The following USP5 variants were observed in gnomAD, a reference collection of about 807,000 sequenced individuals.
USP5 encodes ubiquitin carboxyl-terminal hydrolase 5.
Under a neutral mutation model 102.5 loss-of-function variants are expected in USP5, and 24 were observed. That is an observed-to-expected ratio of 0.23 (90% CI 0.17 to 0.33). The LOEUF is 0.33. Among genes scored for constraint, USP5 ranks in the 10% least tolerant of loss-of-function variants. The probability of loss-of-function intolerance (pLI) is 1.00; values close to 1 mark genes in which losing one functional copy is unlikely to be tolerated. For synonymous variants in USP5, 460 were observed against 434.8 expected (o/e 1.06, Z -0.72); for missense variants, 753 against 1,122.1 (o/e 0.67, Z 4.70).
In USP5 at chr12:6,861,487, G is replaced by A. The variant is rs1555129540; in HGVS notation, c.1543G>A (p.Glu515Lys). 5.0e-6 allele frequency: 8 copies of A among 1,595,320 alleles called. No homozygotes were observed. The highest frequency in any genetic ancestry group is 1.3e-5 in the African/African-American group (1 of 74,488). ...YEEKKRQAEE[E>K]KMALPELVRA... ...GGAGAAGAAGCGGCAAGCCGAAGAGGAGAAGATGGCACTGCCAGAACTGGT... is the reference window on the plus strand; with the variant it reads ...GGAGAAGAAGCGGCAAGCCGAAGAGAAGAAGATGGCACTGCCAGAACTGGT... The change falls in exon 13 of 20, where the codon GAG becomes AAG. Residue 515 changes from glutamate to lysine, a missense_variant. Glu to Lys is a moderately conservative substitution (Grantham distance 56, BLOSUM62 1). Around this residue, in one of 3 missense-constraint regions of USP5, gnomAD observed 527 missense variants for 816.5 expected, o/e 0.65. Coordinates refer to ENST00000229268, the MANE Select transcript of USP5 (RefSeq NM_001098536.2). This position sits in a 1 kb window ranked among gnomAD's most constrained non-coding sequence, Gnocchi z 4.9.
chr12:6,863,423 G>T lies in USP5; in HGVS notation c.1954+46G>T. 6.3e-7 allele frequency: 1 copy of T among 1,580,096 alleles called. No individual in the cohort carries two copies. The highest frequency in any genetic ancestry group is 1.2e-5 in the South Asian group (1 of 86,574). On this transcript the variant is annotated intron_variant, in intron 15 of 19. Coordinates refer to ENST00000229268, the MANE Select transcript of USP5 (RefSeq NM_001098536.2). The surrounding 1 kb of genome is among the most constrained non-coding windows in gnomAD (Gnocchi z 4.7). ...CCTGTCTCTCTCCCGTGCTGATGGG[G>T]GCCTCTCTGCCTTGCATCCCCTGCC...
chr12:6,853,846 C>A (rs782428800), intron 1 of USP5, among the ~76,000 whole-genome samples: 1 of 152,186 alleles, frequency 6.6e-6, no homozygotes, highest in African/African-American at 2.4e-5. Flanking sequence ...CATGAACTTG[C>A]AGTACACACT....
rs1241449161 is a variant in USP5, at chr12:6,864,854, A to G, written c.2377A>G (p.Lys793Glu). ...CTCTGAGTCTGTGCCAGTGGGACCTAAAGTCCGGGATGGTCCTGGAAGTGA... is the reference window on the plus strand; with the variant it reads ...CTCTGAGTCTGTGCCAGTGGGACCTGAAGTCCGGGATGGTCCTGGAAGTGA... Reference protein sequence around the residue: ...SISESVPVGPKVRDGPGKYQL... With the variant: ...SISESVPVGPEVRDGPGKYQL... Residue 793 changes from lysine (K) to glutamate (E), a missense_variant, in exon 18 of 20, where the codon AAA becomes GAA. By Grantham distance (56) the Lys-to-Glu change is moderately conservative. Transcript: ENST00000229268. The surrounding 1 kb of genome is among the most constrained non-coding windows in gnomAD (Gnocchi z 4.8). 20 of 1,613,646 alleles carry G rather than the reference A, an allele frequency of 1.2e-5. No individual in the cohort carries two copies. Among genetic ancestry groups the G allele is most frequent in the Admixed American group, 1.7e-5 (1 of 59,988 alleles).
chr12:6,860,066 G>T lies in USP5; in HGVS notation c.1131-85G>T. On this transcript the variant is annotated intron_variant, in intron 9 of 19. Transcript: ENST00000229268. The surrounding 1 kb of genome is among the most constrained non-coding windows in gnomAD (Gnocchi z 5.5). ...TTCACGTTGTTGAGAGTTAGCTAGG[G>T]AGAGCCACGAGCAGGGGGTTGAGCT... The T allele has an allele frequency of 6.8e-7, 1 of 1,462,912 alleles. No individual in the cohort carries two copies. Among genetic ancestry groups the T allele is most frequent in the South Asian group, 1.2e-5 (1 of 83,102 alleles). 90.6% of individuals were successfully genotyped at this position (1,462,912 alleles called of 1,614,324 possible).
In USP5 at chr12:6,864,427, C is replaced by A. The variant is rs782096199; in HGVS notation, c.2244+232C>A. Among the ~76,000 whole-genome samples the A allele has an allele frequency of 6.6e-6, 1 of 152,330 alleles. No individual in the cohort carries two copies. The highest frequency in any genetic ancestry group is 1.9e-4 in the East Asian group (1 of 5,182). On this transcript the variant is annotated intron_variant, in intron 17 of 19. Transcript: ENST00000229268. This position sits in a 1 kb window ranked among gnomAD's most constrained non-coding sequence, Gnocchi z 4.8. ...CTGTTTGGCCGGGCGCGGTGGCTCACGCCTGTAATCCCAGCACTTTGGGAG... is the reference window on the plus strand; with the variant it reads ...CTGTTTGGCCGGGCGCGGTGGCTCAAGCCTGTAATCCCAGCACTTTGGGAG...
At chr12:6,862,370 T>C (rs1333977607) in intron 13 of USP5, 100 bp from the exon 14 acceptor site, 3 of 1,032,612 alleles carry the variant, frequency 2.9e-6, no homozygotes, top group East Asian at 2.4e-5. Flanking sequence ...TTCTGGGTTA[T>C]TGGGACTTCT....
Position 6,863,125 on chromosome 12 carries a change from G to T in USP5, c.1763-61G>T. The T allele has an allele frequency of 2.6e-6, 4 of 1,525,734 alleles. No individual in the cohort carries two copies. The highest frequency in any genetic ancestry group is 3.5e-6 in the Non-Finnish European group (4 of 1,134,194). The allele number at this position is 1,525,734 out of a possible 1,614,324, so 94.5% of individuals were successfully genotyped here. ...CTGACATAGGGGGCAGGGGATTGAG[G>T]TTCCCGAATCACTTTCCAGGTAGGC... On this transcript the variant is annotated intron_variant, in intron 14 of 19. Transcript: ENST00000229268. The surrounding 1 kb of genome is among the most constrained non-coding windows in gnomAD (Gnocchi z 4.7).
rs1555129610 is a variant in USP5 at position 6,861,649 on chromosome 12, GGTCTA to G, written c.1673+33_1673+37del. On this transcript the variant is annotated intron_variant, in intron 13 of 19. Transcript: ENST00000229268. This position sits in a 1 kb window ranked among gnomAD's most constrained non-coding sequence, Gnocchi z 4.9. ...CCTCTGGTCGGGGCCTGAGGCTGTG[GGTCTA>G]TGGCAGAGCTATCCCAGAGGATACT... 2.7e-6 allele frequency: 4 copies of G among 1,484,958 alleles called. No homozygotes were observed. The South Asian group carries it at 5.3e-5, about 20-fold the overall frequency. The allele number at this position is 1,484,958 out of a possible 1,614,324, so 92.0% of individuals were successfully genotyped here.
In USP5 at chr12:6,861,230, G is replaced by A. The variant is rs1944267763; in HGVS notation, c.1498+124G>A. The A allele has an allele frequency of 2.0e-6, 3 of 1,491,886 alleles. No homozygotes were observed. The highest frequency in any genetic ancestry group is 1.8e-6 in the Non-Finnish European group (2 of 1,111,086). The allele number at this position is 1,491,886 out of a possible 1,614,324, so 92.4% of individuals were successfully genotyped here. On this transcript the variant is annotated intron_variant, in intron 12 of 19. Coordinates refer to ENST00000229268, the MANE Select transcript of USP5 (RefSeq NM_001098536.2). This position sits in a 1 kb window ranked among gnomAD's most constrained non-coding sequence, Gnocchi z 4.9. ...GCTTCACCAGCCAAGGTTCCAGTCT[G>A]GGCCACCAGGAGTAGGTAGATTAAC...
rs1399835196 is a variant in USP5, at chr12:6,864,672, G to C, written c.2245-50G>C. The C allele has an allele frequency of 1.3e-6, 2 of 1,571,474 alleles. No individual in the cohort carries two copies. The highest frequency in any genetic ancestry group is 1.7e-6 in the Non-Finnish European group (2 of 1,162,664). On this transcript the variant is annotated intron_variant, in intron 17 of 19. Transcript: ENST00000229268. The surrounding 1 kb of genome is among the most constrained non-coding windows in gnomAD (Gnocchi z 4.8). The stretch of plus-strand genomic sequence containing the variant: ...CCACTGCACTCCAGCCTGGGCGACA[G>C]AGCAAGACTCCGTCTCAAGAAAAAA...
rs184861396 is a variant in USP5, at chr12:6,862,641, A to G, written c.1762+83A>G. 1.6e-3 allele frequency: 2,074 copies of G among 1,316,814 alleles called. 10 individuals carry two copies. Among genetic ancestry groups the G allele is most frequent in the Middle Eastern group, 5.3e-3 (28 of 5,328 alleles). The allele number at this position is 1,316,814 out of a possible 1,614,324, so 81.6% of individuals were successfully genotyped here. A position where few individuals can be genotyped will look rare whatever the true frequency, so the allele number is the denominator to read the frequency against. ...TAACACATATAAACTAGTGTTTCTC[A>G]AAGTTTCCTCTGAAAGAGGAAAAAA... On this transcript the variant is annotated intron_variant, in intron 14 of 19. Transcript: ENST00000229268.
chr12:6,857,784 T>C, intron 7 of USP5, 61 bp downstream of exon 7: 1 of 1,548,072 alleles, frequency 6.5e-7, no homozygotes, highest in Non-Finnish European at 8.9e-7. Context: ...CCCTTCCTCT[T>C]TGCCTGAGGC....
chr12:6,862,538 A>C lies in USP5; in HGVS notation c.1742A>C (p.Asp581Ala). ...IQIKKFTFGL[D>A]WVPKKLDVSI... Reference sequence around the variant, plus strand: ...ATCAAGAAGTTCACCTTCGGCTTAGACTGGGTGCCCAAGAAACTGGGTATG... The same window carrying C: ...ATCAAGAAGTTCACCTTCGGCTTAGCCTGGGTGCCCAAGAAACTGGGTATG... Residue 581 changes from aspartate to alanine, a missense_variant, in exon 14 of 20, where the codon GAC becomes GCC. Transcript: ENST00000229268. 6.2e-7 allele frequency: 1 copy of C among 1,614,166 alleles called. No homozygotes were observed. The highest frequency in any genetic ancestry group is 8.5e-7 in the Non-Finnish European group (1 of 1,180,010).
At position 6,864,701 on chromosome 12, in the gene USP5, A is replaced by G. The variant is rs782630487; in HGVS notation, c.2245-21A>G. On this transcript the variant is annotated intron_variant, in intron 17 of 19. Transcript: ENST00000229268. This position sits in a 1 kb window ranked among gnomAD's most constrained non-coding sequence, Gnocchi z 4.8. ...AAGACTCCGTCTCAAGAAAAAAAGT[A>G]ATGCTTCCTTCCTCTCCAAGAACAA... 1.2e-5 allele frequency: 19 copies of G among 1,596,710 alleles called. No individual in the cohort carries two copies. The highest frequency in any genetic ancestry group is 1.5e-5 in the Non-Finnish European group (18 of 1,174,826).
chr12:6,856,034 G>T lies in USP5; in HGVS notation c.322G>T (p.Asp108Tyr). The T allele has an allele frequency of 6.2e-7, 1 of 1,614,188 alleles. No individual in the cohort carries two copies. Among genetic ancestry groups the T allele is most frequent in the Non-Finnish European group, 8.5e-7 (1 of 1,180,034 alleles). ...RLAIGVEGGF[D>Y]LSEEKFELDE... Reference sequence around the variant, plus strand: ...CCTTCCAGGTGTTGAAGGCGGATTTGACCTTAGCGAGGAGAAGTTTGAATT... The same window carrying T: ...CCTTCCAGGTGTTGAAGGCGGATTTTACCTTAGCGAGGAGAAGTTTGAATT... The change falls in exon 4 of 20, where the codon GAC becomes TAC. Residue 108 changes from aspartate (D) to tyrosine (Y), a missense_variant. Asp to Tyr is a radical substitution (Grantham distance 160). This residue lies in a region of USP5 where 527 missense variants were observed against 816.5 expected (regional missense o/e 0.65). Transcript: ENST00000229268. This position sits in a 1 kb window ranked among gnomAD's most constrained non-coding sequence, Gnocchi z 5.6.
chr12:6,861,114 G>C lies in USP5; in HGVS notation c.1498+8G>C, dbSNP rs782475075. On this transcript the variant is annotated splice_region_variant and intron_variant, in intron 12 of 19. Coordinates refer to ENST00000229268, the MANE Select transcript of USP5 (RefSeq NM_001098536.2). The surrounding 1 kb of genome is among the most constrained non-coding windows in gnomAD (Gnocchi z 4.9). ...ATGCAGCCCTTAACAAAGGTAGGCT[G>C]CTCCATCAGCAAGGCCGTGGCACGG... 24 of 1,613,756 alleles carry C rather than the reference G, an allele frequency of 1.5e-5. No homozygotes were observed. In the African/African-American group the frequency reaches 3.2e-4, roughly 22 times the overall value.
At chr12:6,852,891 C>T (rs1555127326) in intron 1 of USP5, among the ~76,000 whole-genome samples, 1 of 152,144 alleles carries the variant, frequency 6.6e-6, no homozygotes, top group African/African-American at 2.4e-5. Flanking sequence ...TTGAAGTGAG[C>T]AATGGCCGCA....
At position 6,866,190 on chromosome 12, in the gene USP5, C is replaced by G; in HGVS notation, c.*113C>G. ...GCTCTGTACCCTTTTTCCTTTTGTC[C>G]CCGGCAGCAGGGAAGAAGCTGGAGG... On this transcript the variant is annotated 3_prime_UTR_variant, in exon 20 of 20. Coordinates refer to ENST00000229268, the MANE Select transcript of USP5 (RefSeq NM_001098536.2). The surrounding 1 kb of genome is among the most constrained non-coding windows in gnomAD (Gnocchi z 4.7). 1 of 1,005,156 alleles carries G rather than the reference C, an allele frequency of 9.9e-7. No individual in the cohort carries two copies. Among genetic ancestry groups the G allele is most frequent in the Non-Finnish European group, 1.5e-6 (1 of 674,304 alleles). The allele number at this position is 1,005,156 out of a possible 1,614,324, so 62.3% of individuals were successfully genotyped here.
Position 6,855,579 on chromosome 12 carries a change from C to T in USP5, c.237+53C>T. 2 of 1,602,626 alleles carry T rather than the reference C, an allele frequency of 1.2e-6. No individual in the cohort carries two copies. Among genetic ancestry groups the T allele is most frequent in the South Asian group, 1.1e-5 (1 of 89,500 alleles). On this transcript the variant is annotated intron_variant, in intron 2 of 19. Transcript: ENST00000229268. This position sits in a 1 kb window ranked among gnomAD's most constrained non-coding sequence, Gnocchi z 4.6. ...GGTACATTGTCTGTTCCATTCTGAC[C>T]TCCTATTGGACTCAGTTTCTTTTTT...
Sources: allele counts gnomAD v4.1 joint callset (sites outside exome capture counted in the v4.1 genomes callset), GRCh38; gene constraint gnomAD v4.1.1; regional missense constraint gnomAD v4.1.1; non-coding constraint Gnocchi (gnomAD v3.1); transcripts MANE v1.5; gene names NCBI Gene and HGNC (gene_info 2026-07-23, HGNC 2026-07-21).